The following TLE4 variants were observed in gnomAD, a reference collection of about 807,000 sequenced individuals.
The protein encoded by TLE4 is transducin-like enhancer protein 4.
Under a neutral mutation model 92.8 loss-of-function variants are expected in TLE4, and 8 were observed. The observed-to-expected ratio is 0.09, with a 90% CI of 0.05 to 0.16. The LOEUF (loss-of-function observed/expected upper bound fraction) is 0.16. TLE4 is among the 10% of genes least tolerant of loss of function. The pLI is 1.00. For missense variants in TLE4, 675 were observed against 997.6 expected (o/e 0.68, Z 4.36); for synonymous variants, 371 against 374.1 (o/e 0.99, Z 0.10).
At chr9:79,627,645 A>C in intron 6 of TLE4, 197 bp downstream of exon 6, 1 of 601,456 alleles carries the variant, frequency 1.7e-6, no homozygotes, top group Non-Finnish European at 3.0e-6. Context: ...CACCAATTTA[A>C]GTGGATGTGT....
At chr9:79,645,076 A>G (rs1239039821) in intron 6 of TLE4, among the ~76,000 whole-genome samples, 1 of 152,168 alleles carries the variant, frequency 6.6e-6, no homozygotes, top group Non-Finnish European at 1.5e-5. Flanking sequence ...TATAACCTAT[A>G]AAGTCATTAT....
intron 5 of TLE4, among the ~76,000 whole-genome samples, chr9:79,612,976 C>A (rs1321994558): frequency 3.3e-5 from 5 of 152,070 alleles, no homozygotes; most frequent in Non-Finnish European, 7.4e-5. Context: ...ATTTTGCTAT[C>A]TTTGTCGTGT....
chr9:79,721,376 C>A (rs1175542999), intron 16 of TLE4, among the ~76,000 whole-genome samples: 1 of 152,220 alleles, frequency 6.6e-6, no homozygotes, highest in Non-Finnish European at 1.5e-5. Flanking sequence ...ATTAAATTCT[C>A]TCTCCCTCAT....
rs764407146 is a variant in TLE4 at position 79,704,805 on chromosome 9, C to G, written c.632C>G (p.Ala211Gly). 6.2e-7 allele frequency: 1 copy of G among 1,614,168 alleles called. No homozygotes were observed. The highest frequency in any genetic ancestry group is 8.5e-7 in the Non-Finnish European group (1 of 1,180,028). The change falls in exon 9 of 20, where the codon GCC (alanine) becomes GGC (glycine). Residue 211 changes from alanine to glycine, a missense_variant. Around this residue, in one of 5 missense-constraint regions of TLE4, gnomAD observed 280 missense variants for 287.3 expected, o/e 0.97. Transcript: ENST00000376552. ...SIKSSSVSPSASFRGAEKHRN... is the reference protein window; with the variant it reads ...SIKSSSVSPSGSFRGAEKHRN... Reference sequence around the variant, plus strand: ...CAGAGCTCTTCAGTATCCCCATCAGCCAGTTTCCGAGGTGCTGAGAAGCAC... The same window carrying G: ...CAGAGCTCTTCAGTATCCCCATCAGGCAGTTTCCGAGGTGCTGAGAAGCAC...
At chr9:79,603,946 C>G (rs767344069) in intron 4 of TLE4, among the ~76,000 whole-genome samples, 5 of 152,176 alleles carry the variant, frequency 3.3e-5, no homozygotes, top group Non-Finnish European at 7.3e-5. Context: ...GAAGTATAGA[C>G]TCTGAGGCCC....
At chr9:79,629,873 T>C (rs1489848971) in intron 6 of TLE4, among the ~76,000 whole-genome samples, 1 of 152,178 alleles carries the variant, frequency 6.6e-6, no homozygotes, top group African/African-American at 2.4e-5. Flanking sequence ...AGTTGTAACA[T>C]TGTAGTATTT....
At chr9:79,704,204 C>T (rs2070838930) in intron 8 of TLE4, among the ~76,000 whole-genome samples, 1 of 152,116 alleles carries the variant, frequency 6.6e-6, no homozygotes, top group Non-Finnish European at 1.5e-5. Context: ...GCATCTGCCT[C>T]CCGGGTTCAA....
In TLE4 at chr9:79,725,162, G is replaced by A; in HGVS notation, c.*18G>A. 6.4e-7 allele frequency: 1 copy of A among 1,573,504 alleles called. No homozygotes were observed. The highest frequency in any genetic ancestry group is 1.7e-4 in the Middle Eastern group (1 of 5,974). On this transcript the variant is annotated 3_prime_UTR_variant, in exon 20 of 20. Transcript: ENST00000376552. ...TTTATTAAAGACAAATCTTCATGCAGACTGGACTTCTCCTCCTGGTAGCAC... is the reference window on the plus strand; with the variant it reads ...TTTATTAAAGACAAATCTTCATGCAAACTGGACTTCTCCTCCTGGTAGCAC...
intron 4 of TLE4, among the ~76,000 whole-genome samples, chr9:79,584,245 G>A (rs2040487761): frequency 6.6e-6 from 1 of 152,214 alleles, no homozygotes; most frequent in Admixed American, 6.5e-5. Flanking sequence ...GCTACTGGCA[G>A]TCCAAGAGTG....
chr9:79,681,270 C>CT (rs777249315), intron 8 of TLE4, among the ~76,000 whole-genome samples: 70 of 151,856 alleles, frequency 4.6e-4, no homozygotes, highest in Admixed American at 1.9e-3. Flanking sequence ...TAGAATGAGT[C>CT]TTGGATATAC....
At chr9:79,724,849 T>TAAAAAA (rs947971071) in intron 19 of TLE4, among the ~76,000 whole-genome samples, 188 bp from the exon 20 acceptor site, 1,760 of 25,884 alleles carry the variant, frequency 0.068, 648 homozygotes, top group Middle Eastern at 0.12. Flanking sequence ...CCTGTCTTAT[T>TAAAAAA]AAAAAAAAAA....
At chr9:79,684,510 A>G (rs1216405359) in intron 8 of TLE4, among the ~76,000 whole-genome samples, 4 of 151,984 alleles carry the variant, frequency 2.6e-5, no homozygotes, top group African/African-American at 7.2e-5. Context: ...GCAGGGATCT[A>G]GGTTGTACAC....
intron 6 of TLE4, among the ~76,000 whole-genome samples, chr9:79,645,539 A>G (rs2057966827): frequency 1.3e-5 from 2 of 152,202 alleles, no homozygotes; most frequent in South Asian, 4.1e-4. Context: ...TGACAGAAAG[A>G]CAACATTTCA....
intron 4 of TLE4, among the ~76,000 whole-genome samples, chr9:79,587,761 A>C (rs558854866): frequency 6.6e-6 from 1 of 152,336 alleles, no homozygotes; most frequent in South Asian, 2.1e-4. Flanking sequence ...CTATAGGCTA[A>C]GAGCACATCA....
At chr9:79,655,893 C>A (rs2059709999) in intron 8 of TLE4, among the ~76,000 whole-genome samples, 1 of 152,146 alleles carries the variant, frequency 6.6e-6, no homozygotes, top group South Asian at 2.1e-4. Context: ...CTTCAGTGTA[C>A]ACTTTTGTGT....
intron 6 of TLE4, among the ~76,000 whole-genome samples, chr9:79,651,332 C>G (rs1366382424): frequency 6.6e-6 from 1 of 152,122 alleles, no homozygotes; most frequent in African/African-American, 2.4e-5. Flanking sequence ...TCCTCTCCCC[C>G]ACTTCCCACT....
rs1233071854 is a variant in TLE4 at position 79,590,848 on chromosome 9, A to G, written c.252+14671A>G. 3.9e-5 allele frequency among the ~76,000 whole-genome samples: 6 copies of G among 152,240 alleles called. No homozygotes were observed. In the East Asian group the frequency reaches 1.2e-3, roughly 29 times the overall value. ...TCTAAACTGAAATATTTAGCTTCTC[A>G]AATGGAAATACCTGGAACTGGATTT... On this transcript the variant is annotated intron_variant, in intron 4 of 19. Coordinates refer to ENST00000376552, the MANE Select transcript of TLE4 (RefSeq NM_007005.6).
chr9:79,701,289 C>T (rs1338298291), intron 8 of TLE4, among the ~76,000 whole-genome samples: 1 of 152,156 alleles, frequency 6.6e-6, no homozygotes, highest in Non-Finnish European at 1.5e-5. Flanking sequence ...CCAAGAAACT[C>T]CAACATGTAA....
intron 14 of TLE4, among the ~76,000 whole-genome samples, chr9:79,711,612 C>T (rs2073307426): frequency 6.6e-6 from 1 of 152,116 alleles, no homozygotes; most frequent in Non-Finnish European, 1.5e-5. Flanking sequence ...TCAGCTGCTG[C>T]TTCGAGGGGC....
Sources: gnomAD v4.1 joint callset for allele counts (sites outside exome capture counted in the v4.1 genomes callset) on GRCh38, gnomAD v4.1.1 for gene constraint, gnomAD v4.1.1 regional missense constraint, MANE v1.5 for transcripts, NCBI Gene and HGNC (gene_info 2026-07-23, HGNC 2026-07-21) for gene names.